Variants in RERE observed in about 807,000 individuals in gnomAD.
RERE encodes arginine-glutamic acid dipeptide repeats protein.
A neutral mutation model predicts 146.1 loss-of-function variants in RERE; 40 were observed. The ratio of observed to expected loss-of-function variants is 0.27; its 90% CI spans 0.21 to 0.36. The LOEUF is 0.36. Among genes scored for constraint, RERE ranks in the 10% least tolerant of loss-of-function variants. The pLI is 1.00. For synonymous variants in RERE, 1,003 were observed against 866.0 expected (o/e 1.16, Z -2.78); for missense variants, 1,933 against 2,138.7 (o/e 0.90, Z 1.90).
chr1:8,432,237 G>T (rs1408088167), intron 11 of RERE, among the ~76,000 whole-genome samples: 2 of 152,136 alleles, frequency 1.3e-5, no homozygotes, highest in Non-Finnish European at 2.9e-5. Context: ...AGTGAAGTTA[G>T]TTACTGCAGT....
chr1:8,457,790 G>A (rs571648539), intron 11 of RERE, among the ~76,000 whole-genome samples: 6 of 152,002 alleles, frequency 3.9e-5, no homozygotes, highest in South Asian at 4.2e-4. Context: ...TAGTAGAGAC[G>A]GTGTTTCGCT....
At chr1:8,495,288 G>T in intron 9 of RERE, 126 bp from the exon 10 acceptor site, 1 of 625,514 alleles carries the variant, frequency 1.6e-6, no homozygotes, top group South Asian at 1.8e-5. Context: ...TGATGAACCA[G>T]TTCCCAGCTC....
chr1:8,397,602 A>C (rs1435658254), intron 12 of RERE, among the ~76,000 whole-genome samples: 7 of 152,036 alleles, frequency 4.6e-5, no homozygotes, highest in African/African-American at 1.2e-4. Context: ...AAAAAAAAAA[A>C]ACACATGAAA....
Position 8,614,485 on chromosome 1 carries a change from AG to A in RERE, c.522+75del, listed in dbSNP as rs1646828329. On this transcript the variant is annotated intron_variant, in intron 4 of 22. Transcript: ENST00000400908. ...GCACATTTTAAAAGGGGCTCTGGGGAGGGAGGTAATATTCCTATTTTATACC... is the reference window on the plus strand; with the variant it reads ...GCACATTTTAAAAGGGGCTCTGGGGAGGAGGTAATATTCCTATTTTATACC... The A allele has an allele frequency of 4.2e-6, 6 of 1,414,170 alleles. No homozygotes were observed. The Admixed American group carries it at 6.5e-5, about 15-fold the overall frequency. The allele number at this position is 1,414,170 out of a possible 1,614,324, so 87.6% of individuals were successfully genotyped here.
rs370987337 is a variant in RERE, at chr1:8,364,063, C to T, written c.1733G>A (p.Arg578Gln). ...TGGCCCCAGGGGACTCACCGAGCCC[C>T]GACTCCGCCGTGTCCTCATGCTATG... ...GKHSMRTRRS[R>Q]GSMSTLRSGR... Residue 578 changes from arginine (R) to glutamine (Q), a missense_variant, in exon 15 of 23, where the codon CGG becomes CAG. Around this residue, in one of 11 missense-constraint regions of RERE, gnomAD observed 1,255 missense variants for 1,153.8 expected, o/e 1.09. Coordinates refer to ENST00000400908, the MANE Select transcript of RERE (RefSeq NM_001042681.2). The surrounding 1 kb of genome is among the most constrained non-coding windows in gnomAD (Gnocchi z 5.1). 3.7e-6 allele frequency: 6 copies of T among 1,614,068 alleles called. No homozygotes were observed. Among genetic ancestry groups the T allele is most frequent in the East Asian group, 2.2e-5 (1 of 44,868 alleles).
intron 1 of RERE, among the ~76,000 whole-genome samples, chr1:8,678,313 TA>T (rs756492041): frequency 6.6e-6 from 1 of 151,832 alleles, no homozygotes; most frequent in Non-Finnish European, 1.5e-5. Flanking sequence ...CTTAAATACT[TA>T]AAAAAAACAG....
chr1:8,420,852 A>G (rs1216008432), intron 12 of RERE, among the ~76,000 whole-genome samples: 3 of 152,224 alleles, frequency 2.0e-5, no homozygotes, highest in Non-Finnish European at 4.4e-5. Flanking sequence ...CTAGCTCAAA[A>G]GGTTGGTGTA....
At position 8,497,449 on chromosome 1, in the gene RERE, A is replaced by T; in HGVS notation, c.960T>A (p.Pro320=). 1 of 1,614,168 alleles carries T rather than the reference A, an allele frequency of 6.2e-7. No homozygotes were observed. Among genetic ancestry groups the T allele is most frequent in the Non-Finnish European group, 8.5e-7 (1 of 1,179,992 alleles). ...VTQHEELVWM[P]GVNDCDLLMY... ...TAAGGAGGTCACAGTCGTTAACTCC[A>T]GGCATCCAGACCAGTTCCTCATGTT... is the stretch of plus-strand genomic sequence containing the variant. The change falls in exon 9 of 23, where the codon CCT becomes CCA. Residue 320 remains proline, a synonymous_variant. Transcript: ENST00000400908.
At chr1:8,474,078 A>G (rs1426225893) in intron 10 of RERE, among the ~76,000 whole-genome samples, 13 of 152,252 alleles carry the variant, frequency 8.5e-5, no homozygotes, top group Non-Finnish European at 2.9e-5. Flanking sequence ...ACTCTGCCTG[A>G]CAAATCATTC....
chr1:8,405,658 G>A (rs765036723), intron 12 of RERE, among the ~76,000 whole-genome samples: 9 of 152,104 alleles, frequency 5.9e-5, no homozygotes, highest in Non-Finnish European at 1.2e-4. Flanking sequence ...TTTTATTTTC[G>A]AGACGGAGTC....
chr1:8,416,676 A>C (rs1172379140), intron 12 of RERE, among the ~76,000 whole-genome samples: 1 of 152,142 alleles, frequency 6.6e-6, no homozygotes, highest in African/African-American at 2.4e-5. Flanking sequence ...TGTTTGAAAT[A>C]TTTTGCAATA....
chr1:8,422,917 C>G, intron 11 of RERE, 110 bp from the exon 12 acceptor site: 1 of 783,392 alleles, frequency 1.3e-6, no homozygotes, highest in South Asian at 1.4e-5. Context: ...AAAGTCTCGG[C>G]TAGGGAATAC....
At chr1:8,411,934 C>T (rs1298309687) in intron 12 of RERE, among the ~76,000 whole-genome samples, 1 of 152,074 alleles carries the variant, frequency 6.6e-6, no homozygotes, top group Non-Finnish European at 1.5e-5. Flanking sequence ...CAGATTCTCG[C>T]CAAATGAAAA....
At chr1:8,498,728 T>TACACACACACACACAC (rs1216791448) in intron 8 of RERE, among the ~76,000 whole-genome samples, 3 of 11,412 alleles carry the variant, frequency 2.6e-4, no homozygotes, top group Admixed American at 1.4e-3. Flanking sequence ...AAAAAATAAA[T>TACACACACACACACAC]ATATACACAC....
intron 8 of RERE, among the ~76,000 whole-genome samples, chr1:8,501,611 G>A (rs1207898034): frequency 7.9e-6 from 1 of 125,864 alleles, no homozygotes; most frequent in Non-Finnish European, 1.7e-5. Context: ...GTCCGGGAGG[G>A]AGGTGGGGGG....
At chr1:8,609,471 C>G (rs1646764428) in intron 4 of RERE, among the ~76,000 whole-genome samples, 1 of 152,162 alleles carries the variant, frequency 6.6e-6, no homozygotes, top group African/African-American at 2.4e-5. Context: ...AGCAATTCTT[C>G]TGAAAATCCA....
At chr1:8,635,143 C>T (rs1647081773) in intron 2 of RERE, among the ~76,000 whole-genome samples, 1 of 152,130 alleles carries the variant, frequency 6.6e-6, no homozygotes, top group Admixed American at 6.5e-5. Flanking sequence ...CTGTGAATTA[C>T]AAATGTCATT....
At chr1:8,693,644 T>G (rs1188025962) in intron 1 of RERE, among the ~76,000 whole-genome samples, 1 of 152,230 alleles carries the variant, frequency 6.6e-6, no homozygotes, top group East Asian at 1.9e-4. Context: ...CAGTAAAGAC[T>G]CTTCTATATG....
chr1:8,379,105 C>T (rs1350815769), intron 12 of RERE, among the ~76,000 whole-genome samples: 1 of 152,210 alleles, frequency 6.6e-6, no homozygotes, highest in Non-Finnish European at 1.5e-5. Context: ...CTCTCAGATG[C>T]TGTGGATCTA....
Sources: allele counts gnomAD v4.1 joint callset (sites outside exome capture counted in the v4.1 genomes callset), GRCh38; gene constraint gnomAD v4.1.1; regional missense constraint gnomAD v4.1.1; non-coding constraint Gnocchi (gnomAD v3.1); transcripts MANE v1.5; gene names NCBI Gene and HGNC (gene_info 2026-07-23, HGNC 2026-07-21).